MEIS1: variants seen among roughly 807,000 people sequenced by gnomAD.
The protein encoded by MEIS1 is Meis homeobox 1.
Under a neutral mutation model 50.8 loss-of-function variants are expected in MEIS1, and 5 were observed. That is an observed-to-expected ratio of 0.10 (90% confidence interval 0.05 to 0.21). MEIS1 has a LOEUF of 0.21. Ranked by LOEUF, MEIS1 falls within the 10% of genes least tolerant of loss-of-function variation. The pLI is 1.00. For synonymous variants in MEIS1, 176 were observed against 179.3 expected (o/e 0.98, Z 0.15); for missense variants, 318 against 517.3 (o/e 0.61, Z 3.74).
intron 9 of MEIS1, among the ~76,000 whole-genome samples, chr2:66,550,663 A>AT (rs888743582): frequency 7.9e-4 from 119 of 150,952 alleles, no homozygotes; most frequent in African/African-American, 2.7e-3. Flanking sequence ...TGCCCAGTTA[A>AT]TTTTTTTTTC....
chr2:66,555,749 T>C (rs527796081), intron 9 of MEIS1, among the ~76,000 whole-genome samples: 1 of 152,254 alleles, frequency 6.6e-6, no homozygotes, highest in African/African-American at 2.4e-5. Context: ...CTCCTCTCAC[T>C]TACATCATCA....
At chr2:66,441,566 A>AAATG in intron 5 of MEIS1, 102 bp downstream of exon 5, 9 of 925,808 alleles carry the variant, frequency 9.7e-6, no homozygotes, top group Non-Finnish European at 1.1e-5. Flanking sequence ...ATACATTTGC[A>AAATG]TAAATGTCTT....
At chr2:66,555,945 A>T (rs1325152714) in intron 9 of MEIS1, among the ~76,000 whole-genome samples, 1 of 152,156 alleles carries the variant, frequency 6.6e-6, no homozygotes, top group Non-Finnish European at 1.5e-5. Flanking sequence ...TTGGTCTTAG[A>T]TCCGGTCTGC....
chr2:66,477,038 G>C (rs984311603), intron 7 of MEIS1, among the ~76,000 whole-genome samples: 5 of 152,142 alleles, frequency 3.3e-5, no homozygotes, highest in Non-Finnish European at 5.9e-5. Flanking sequence ...AGGTAACAGG[G>C]GCAAGACCAC....
intron 5 of MEIS1, chr2:66,441,698 C>A (rs1362820298): frequency 2.0e-6 from 1 of 489,234 alleles, no homozygotes; most frequent in African/African-American, 2.0e-5. Context: ...TTCTTAATAA[C>A]TTGCTGGCTT....
At chr2:66,445,461 G>C (rs1395217474) in intron 6 of MEIS1, among the ~76,000 whole-genome samples, 1 of 152,202 alleles carries the variant, frequency 6.6e-6, no homozygotes. Flanking sequence ...CTGTCCCTCC[G>C]GGGCGCTGAA....
intron 7 of MEIS1, among the ~76,000 whole-genome samples, chr2:66,500,580 A>G (rs1485721774): frequency 6.6e-6 from 1 of 151,990 alleles, no homozygotes; most frequent in East Asian, 1.9e-4. Context: ...ATGCATCACC[A>G]CGTCCAGCTA....
intron 6 of MEIS1, among the ~76,000 whole-genome samples, chr2:66,444,534 G>T (rs907170044): frequency 1.3e-5 from 2 of 152,248 alleles, no homozygotes; most frequent in South Asian, 4.1e-4. Flanking sequence ...CGCCGGGTCC[G>T]CACTGTGATC....
intron 8 of MEIS1, among the ~76,000 whole-genome samples, chr2:66,523,318 T>C (rs1674172657): frequency 6.6e-6 from 1 of 152,234 alleles, no homozygotes; most frequent in Non-Finnish European, 1.5e-5. Context: ...CCCATTTAAG[T>C]ATTAATGCTT....
chr2:66,471,896 A>G (rs1477476463), intron 7 of MEIS1, among the ~76,000 whole-genome samples: 2 of 152,368 alleles, frequency 1.3e-5, no homozygotes, highest in East Asian at 1.9e-4. Flanking sequence ...TACATCACAT[A>G]TAGAGAAATA....
intron 7 of MEIS1, chr2:66,509,068 G>A (rs758096204): frequency 2.1e-6 from 1 of 471,694 alleles, no homozygotes. Flanking sequence ...AGAAATTCTC[G>A]AGAGACCACA....
At chr2:66,512,841 A>G (rs896937605) in intron 8 of MEIS1, among the ~76,000 whole-genome samples, 2 of 152,182 alleles carry the variant, frequency 1.3e-5, no homozygotes, top group African/African-American at 4.8e-5. Context: ...TAGAACTGTA[A>G]AGGAAAACAG....
chr2:66,451,045 G>A (rs1416282370), intron 6 of MEIS1, among the ~76,000 whole-genome samples: 1 of 151,952 alleles, frequency 6.6e-6, no homozygotes, highest in Non-Finnish European at 1.5e-5. Flanking sequence ...GTTTTCGTGA[G>A]AAAATGAAGA....
Position 66,453,869 on chromosome 2 carries a change from C to T in MEIS1, c.631-10240C>T, listed in dbSNP as rs537705194. Among the ~76,000 whole-genome samples, 69 of 151,656 alleles carry T rather than the reference C, an allele frequency of 4.5e-4. 1 individual carries two copies. The highest frequency in any genetic ancestry group is 4.0e-3 in the Admixed American group (61 of 15,260). On this transcript the variant is annotated intron_variant, in intron 6 of 12. Coordinates refer to ENST00000272369, the MANE Select transcript of MEIS1 (RefSeq NM_002398.3). ...TGTCTCAATTGTGTGTTCTCTGGCTCGAGAGTTTAGAAGTAGAAAAGAGAA... is the reference window on the plus strand; with the variant it reads ...TGTCTCAATTGTGTGTTCTCTGGCTTGAGAGTTTAGAAGTAGAAAAGAGAA...
chr2:66,443,202 C>A, intron 6 of MEIS1, 154 bp downstream of exon 6: 2 of 817,498 alleles, frequency 2.4e-6, no homozygotes, highest in Non-Finnish European at 3.6e-6. Context: ...AATAATGTGG[C>A]TATTATTGCT....
chr2:66,439,778 G>T, intron 2 of MEIS1, 65 bp from the exon 3 acceptor site: 1 of 1,606,330 alleles, frequency 6.2e-7, no homozygotes, highest in Non-Finnish European at 8.5e-7. Context: ...TTTTTCTTGG[G>T]CACCTTTTTC....
Position 66,572,990 on chromosome 2 carries a change from A to G in MEIS1, c.*1782A>G, listed in dbSNP as rs367966167. ...GCACTAAACTAACTCTAGACTCAGA[A>G]TTACATCCAACAGAATTACTCATCT... On this transcript the variant is annotated 3_prime_UTR_variant, in exon 13 of 13. Coordinates refer to ENST00000272369, the MANE Select transcript of MEIS1 (RefSeq NM_002398.3). 2 of 152,212 alleles carry G rather than the reference A, an allele frequency of 1.3e-5. No individual in the cohort carries two copies. Among genetic ancestry groups the G allele is most frequent in the East Asian group, 3.8e-4 (2 of 5,202 alleles). 9.4% of individuals were successfully genotyped at this position (152,212 alleles called of 1,614,324 possible). A position where few individuals can be genotyped will look rare whatever the true frequency, so the allele number is the denominator to read the frequency against.
At chr2:66,450,697 T>A (rs1484432954) in intron 6 of MEIS1, among the ~76,000 whole-genome samples, 1 of 152,194 alleles carries the variant, frequency 6.6e-6, no homozygotes, top group Non-Finnish European at 1.5e-5. Flanking sequence ...TTTTGAGTGA[T>A]ATTAGAATTA....
intron 6 of MEIS1, among the ~76,000 whole-genome samples, chr2:66,444,134 G>T (rs959483578): frequency 5.9e-5 from 9 of 152,154 alleles, no homozygotes; most frequent in South Asian, 4.1e-4. Flanking sequence ...GTTGCAAGGC[G>T]TCTAGAGATT....
Sources: gnomAD v4.1 joint callset for allele counts (sites outside exome capture counted in the v4.1 genomes callset) on GRCh38, gnomAD v4.1.1 for gene constraint, MANE v1.5 for transcripts, NCBI Gene and HGNC (gene_info 2026-07-23, HGNC 2026-07-21) for gene names.